The following FAT1 variants were observed in gnomAD, a reference collection of about 807,000 sequenced individuals.
The protein encoded by FAT1 is FAT atypical cadherin 1.
In FAT1, 171 loss-of-function variants were observed where a neutral mutation model predicts 329.8. The observed-to-expected ratio is 0.52, with a 90% confidence interval of 0.46 to 0.59. The LOEUF is 0.59. Among genes scored for constraint, FAT1 ranks in the 20% least tolerant of loss-of-function variants. FAT1 has a pLI of 0.00. For missense variants in FAT1, 5,672 were observed against 5,774.4 expected, an observed-to-expected ratio of 0.98 and a Z score of 0.57; for synonymous variants, 2,233 against 2,228.6, an observed-to-expected ratio of 1.00 and a Z score of -0.06.
Position 186,603,589 on chromosome 4 carries a change from C to T in FAT1, c.10937G>A (p.Arg3646His), listed in dbSNP as rs569010622. The change falls in exon 19 of 27, where the codon CGC (arginine) becomes CAC (histidine). Residue 3646 changes from arginine to histidine, a missense_variant. Physicochemically the swap from Arg to His is conservative, Grantham distance 29. Around this residue, in one of 2 missense-constraint regions of FAT1, gnomAD observed 1,706 missense variants for 1,859.1 expected, o/e 0.92. Transcript: ENST00000441802. ...QEMLNHTIAI[R>H]FANLTPEEFV... ...TTCTTCCGGAGTGAGGTTGGCAAAG[C>T]GGATCGCGATGGTGTGGTTCAACAT... 75 of 1,613,948 alleles carry T rather than the reference C, an allele frequency of 4.6e-5. No individual in the cohort carries two copies. The highest frequency in any genetic ancestry group is 1.5e-4 in the African/African-American group (11 of 75,032).
intron 3 of FAT1, among the ~76,000 whole-genome samples, chr4:186,656,175 A>C (rs1455141859): frequency 1.3e-5 from 2 of 152,208 alleles, no homozygotes; most frequent in Non-Finnish European, 2.9e-5. Context: ...GCTCTGGGGC[A>C]TAGCTGTCCC....
In FAT1 at chr4:186,652,434, A is replaced by G. The variant is rs532732544; in HGVS notation, c.3580+10865T>C. Among the ~76,000 whole-genome samples the G allele has an allele frequency of 3.3e-5, 5 of 152,310 alleles. No individual in the cohort carries two copies. The South Asian group carries it at 8.3e-4, about 25-fold the overall frequency. On this transcript the variant is annotated intron_variant, in intron 3 of 26. Coordinates refer to ENST00000441802, the MANE Select transcript of FAT1 (RefSeq NM_005245.4). Reference sequence around the variant, plus strand: ...TTATCACAAAGATTCAAGTTAACCAATTTGCGGAGGAAAAAGTTTGTCATC... The same window carrying G: ...TTATCACAAAGATTCAAGTTAACCAGTTTGCGGAGGAAAAAGTTTGTCATC...
In FAT1 at chr4:186,620,242, T is replaced by C; in HGVS notation, c.6344A>G (p.Glu2115Gly). 6.2e-7 allele frequency: 1 copy of C among 1,613,966 alleles called. No individual in the cohort carries two copies. Among genetic ancestry groups the C allele is most frequent in the Middle Eastern group, 1.6e-4 (1 of 6,062 alleles). The change falls in exon 10 of 27, where the codon GAA (glutamate) becomes GGA (glycine). Residue 2115 changes from glutamate (E) to glycine (G), a missense_variant. Physicochemically the swap from Glu to Gly is moderately conservative, Grantham distance 98. Around this residue, in one of 2 missense-constraint regions of FAT1, gnomAD observed 3,966 missense variants for 3,915.2 expected, o/e 1.01. Coordinates refer to ENST00000441802, the MANE Select transcript of FAT1 (RefSeq NM_005245.4). Reference sequence around the variant, plus strand: ...ATGTTCCTTGAGGTAGTAATGCACTTCCCCGTTTCTGCCACTGTCTCTGTC... The same window carrying C: ...ATGTTCCTTGAGGTAGTAATGCACTCCCCCGTTTCTGCCACTGTCTCTGTC... ...AVDRDSGRNG[E>G]VHYYLKEHHE...
rs1481941724 is a variant in FAT1 at position 186,708,236 on chromosome 4, G to A, written c.1592C>T (p.Pro531Leu). Residue 531 changes from proline to leucine, a missense_variant, in exon 2 of 27, where the codon CCT (proline) becomes CTT (leucine). By Grantham distance (98) the Pro-to-Leu change is moderately conservative. This residue lies in a region of FAT1 where 3,966 missense variants were observed against 3,915.2 expected (regional missense o/e 1.01). Coordinates refer to ENST00000441802, the MANE Select transcript of FAT1 (RefSeq NM_005245.4). ...ACGAATCCTCAGAGTATAAACCCGA[G>A]GCATCAGTTCGTAGTCCAGGTTTTC... ...TSENLDYELM[P>L]RVYTLRIRAS... 6.2e-7 allele frequency: 1 copy of A among 1,613,966 alleles called. No homozygotes were observed.
chr4:186,706,432 A>G (rs774060900), intron 2 of FAT1, 131 bp downstream of exon 2: 3 of 958,134 alleles, frequency 3.1e-6, no homozygotes, highest in Non-Finnish European at 4.6e-6. Context: ...CAAAAAAAAT[A>G]TTCACACGCA....
chr4:186,633,439 T>G (rs1170756408), intron 7 of FAT1, among the ~76,000 whole-genome samples: 1 of 152,200 alleles, frequency 6.6e-6, no homozygotes, highest in Non-Finnish European at 1.5e-5. Context: ...ATAACGTTGG[T>G]TTGGTTTGGT....
chr4:186,622,087 T>C (rs1197160499), intron 9 of FAT1, among the ~76,000 whole-genome samples: 1 of 152,240 alleles, frequency 6.6e-6, no homozygotes. Flanking sequence ...GACAAGGCTA[T>C]CCTTCCACAA....
At chr4:186,604,326 C>T (rs1315692705) in intron 18 of FAT1, 51 bp downstream of exon 18, 1 of 1,467,544 alleles carries the variant, frequency 6.8e-7, no homozygotes, top group Non-Finnish European at 9.3e-7. Flanking sequence ...CCACGCCAAG[C>T]AGCTCTTCTC....
chr4:186,596,736 CAG>C lies in FAT1; in HGVS notation c.12802_12803del (p.Leu4268GlyfsTer20). On this transcript the variant is annotated frameshift_variant, in exon 25 of 27. Coordinates refer to ENST00000441802, the MANE Select transcript of FAT1 (RefSeq NM_005245.4). LOFTEE classifies it high-confidence loss of function. The surrounding 1 kb of genome is among the most constrained non-coding windows in gnomAD (Gnocchi z 4.7). ...PSIPSDSRNN[L>X]DRNSFEGSAI... is the part of the protein sequence containing the mutation. Reference sequence around the variant, plus strand: ...CAGATCCTTCGAAGGAATTTCGGTCCAGATTGTTTCTTGAGTCACTTGGAATA... The same window carrying C: ...CAGATCCTTCGAAGGAATTTCGGTCCATTGTTTCTTGAGTCACTTGGAATA... The C allele has an allele frequency of 6.2e-7, 1 of 1,613,974 alleles. No individual in the cohort carries two copies. Among genetic ancestry groups the C allele is most frequent in the Non-Finnish European group, 8.5e-7 (1 of 1,179,882 alleles).
rs982540390 is a variant in FAT1, at chr4:186,618,801, T to C, written c.7785A>G (p.Gln2595=). The part of the protein sequence containing the change: ...ILTDDNDNAP[Q]FRATKYEVNI... ...TCACTTCGTATTTGGTTGCTCGAAA[T>C]TGTGGTGCATTGTCATTGTCATCTG... The change falls in exon 10 of 27, where the codon CAA becomes CAG. Residue 2595 remains glutamine, a synonymous_variant. Coordinates refer to ENST00000441802, the MANE Select transcript of FAT1 (RefSeq NM_005245.4). 2 of 1,614,020 alleles carry C rather than the reference T, an allele frequency of 1.2e-6. No homozygotes were observed. Among genetic ancestry groups the C allele is most frequent in the African/African-American group, 1.3e-5 (1 of 75,052 alleles).
chr4:186,708,326 C>T lies in FAT1; in HGVS notation c.1502G>A (p.Ser501Asn), dbSNP rs1033308391. 1 of 1,613,846 alleles carries T rather than the reference C, an allele frequency of 6.2e-7. No homozygotes were observed. Among genetic ancestry groups the T allele is most frequent in the Admixed American group, 1.7e-5 (1 of 60,002 alleles). ...CGGCACATGATTTAAATTTGCGATACTGTATGTCACGTACCCGTTCTCACC... is the reference window on the plus strand; with the variant it reads ...CGGCACATGATTTAAATTTGCGATATTGTATGTCACGTACCCGTTCTCACC... ...DEGENGYVTYSIANLNHVPFA... is the reference protein window; with the variant it reads ...DEGENGYVTYNIANLNHVPFA... Residue 501 changes from serine to asparagine, a missense_variant, in exon 2 of 27, where the codon AGT becomes AAT. By Grantham distance (46) the Ser-to-Asn change is conservative. Coordinates refer to ENST00000441802, the MANE Select transcript of FAT1 (RefSeq NM_005245.4).
intron 2 of FAT1, among the ~76,000 whole-genome samples, chr4:186,701,329 A>G (rs1344511565): frequency 1.3e-5 from 2 of 152,070 alleles, no homozygotes; most frequent in East Asian, 3.9e-4. Flanking sequence ...GCAACAACAC[A>G]CTGTGGTAAC....
intron 3 of FAT1, among the ~76,000 whole-genome samples, chr4:186,649,042 A>G (rs1383162387): frequency 6.6e-6 from 1 of 152,246 alleles, no homozygotes; most frequent in Non-Finnish European, 1.5e-5. Flanking sequence ...CTATGGACAT[A>G]TAAGAAATAC....
intron 2 of FAT1, among the ~76,000 whole-genome samples, chr4:186,666,343 A>G (rs1657706353): frequency 6.6e-6 from 1 of 152,188 alleles, no homozygotes; most frequent in South Asian, 2.1e-4. Context: ...TGGTCTGCTA[A>G]ATTAGCAAAA....
intron 3 of FAT1, among the ~76,000 whole-genome samples, chr4:186,652,180 A>C (rs1398208178): frequency 1.3e-5 from 2 of 152,198 alleles, no homozygotes; most frequent in African/African-American, 4.8e-5. Context: ...TGGCATTAAA[A>C]CATAAGATCG....
In FAT1 at chr4:186,663,483, G is replaced by A. The variant is rs912679580; in HGVS notation, c.3396C>T (p.Val1132=). The A allele has an allele frequency of 1.9e-6, 3 of 1,613,862 alleles. No individual in the cohort carries two copies. The highest frequency in any genetic ancestry group is 3.3e-5 in the Admixed American group (2 of 60,000). ...FIEIYIEVED[V]NDNAPQTSEP... ...CTGATGTCTGTGGTGCATTGTCATT[G>A]ACATCCTCAACCTCTATGTAGATCT... Residue 1132 remains valine (V), a synonymous_variant, in exon 3 of 27, where the codon GTC becomes GTT. Transcript: ENST00000441802.
rs1739860560 is a variant in FAT1 at position 186,618,768 on chromosome 4, C to T, written c.7818G>A (p.Gly2606=). Residue 2606 remains glycine (G), a synonymous_variant, in exon 10 of 27, where the codon GGG becomes GGA. Transcript: ENST00000441802. The part of the protein sequence containing the change: ...FRATKYEVNI[G]SSAAKGTSVV... The stretch of plus-strand genomic sequence containing the variant: ...CTGAAGTCCCTTTAGCAGCACTGGA[C>T]CCGATATTCACTTCGTATTTGGTTG... 1.9e-6 allele frequency: 3 copies of T among 1,613,892 alleles called. No homozygotes were observed. Among genetic ancestry groups the T allele is most frequent in the Middle Eastern group, 3.3e-4 (2 of 6,082 alleles).
chr4:186,589,502 G>C (rs2126359778), intron 26 of FAT1, among the ~76,000 whole-genome samples: 1 of 152,266 alleles, frequency 6.6e-6, no homozygotes, highest in Non-Finnish European at 1.5e-5. Flanking sequence ...GAAATGGGAT[G>C]CTAGCATCTA....
At chr4:186,718,814 C>T (rs993104242) in intron 1 of FAT1, among the ~76,000 whole-genome samples, 2 of 152,120 alleles carry the variant, frequency 1.3e-5, no homozygotes, top group African/African-American at 4.8e-5. Flanking sequence ...CTTAGAACTC[C>T]CTCTCCGCCA....
Sources: allele counts gnomAD v4.1 joint callset (sites outside exome capture counted in the v4.1 genomes callset), GRCh38; gene constraint gnomAD v4.1.1; regional missense constraint gnomAD v4.1.1; non-coding constraint Gnocchi (gnomAD v3.1); transcripts MANE v1.5; gene names NCBI Gene and HGNC (gene_info 2026-07-23, HGNC 2026-07-21).